Variants in TRIM9 observed in about 807,000 individuals in gnomAD.
The protein encoded by TRIM9 is tripartite motif containing 9, also known as E3 ubiquitin-protein ligase TRIM9.
A neutral mutation model predicts 78.3 loss-of-function variants in TRIM9; 26 were observed. The ratio of observed to expected loss-of-function variants is 0.33; its 90% confidence interval spans 0.24 to 0.46. TRIM9 has a LOEUF of 0.46. TRIM9 is among the 20% of genes least tolerant of loss of function. The pLI is 1.00. For synonymous variants in TRIM9, 398 were observed against 416.5 expected, an observed-to-expected ratio of 0.96 and a Z score of 0.54; for missense variants, 787 against 1,036.4, an observed-to-expected ratio of 0.76 and a Z score of 3.30.
chr14:51,013,457 A>G (rs528865585), intron 3 of TRIM9, among the ~76,000 whole-genome samples: 3 of 152,348 alleles, frequency 2.0e-5, no homozygotes, highest in African/African-American at 7.2e-5. Context: ...AAGTTAGGAA[A>G]TGTAAGAACT....
chr14:51,000,303 T>C (rs1025186087), intron 6 of TRIM9, among the ~76,000 whole-genome samples: 12 of 152,252 alleles, frequency 7.9e-5, no homozygotes, highest in African/African-American at 1.7e-4. Context: ...AATTATCTAA[T>C]GGACTCTTAG....
intron 7 of TRIM9, among the ~76,000 whole-genome samples, chr14:50,988,074 T>C (rs2139373631): frequency 6.6e-6 from 1 of 152,278 alleles, no homozygotes; most frequent in East Asian, 1.9e-4. Context: ...AGTGCTGAGA[T>C]TACAGGCGTG....
chr14:51,053,247 G>T (rs1038442363), intron 1 of TRIM9, among the ~76,000 whole-genome samples: 1 of 151,218 alleles, frequency 6.6e-6, no homozygotes, highest in South Asian at 2.1e-4. Context: ...CTTAAAAAAT[G>T]TCTTACACAG....
chr14:51,061,316 G>A (rs946854827), intron 1 of TRIM9, among the ~76,000 whole-genome samples: 1 of 151,832 alleles, frequency 6.6e-6, no homozygotes, highest in African/African-American at 2.4e-5. Context: ...AGGAGGCTGA[G>A]GCAGGAGAAT....
chr14:50,990,697 G>A (rs969681600), intron 7 of TRIM9, among the ~76,000 whole-genome samples: 1 of 152,190 alleles, frequency 6.6e-6, no homozygotes, highest in African/African-American at 2.4e-5. Flanking sequence ...CCTCCTGTCT[G>A]GCAGTGAACA....
intron 7 of TRIM9, chr14:50,996,948 C>G (rs2054285606): frequency 1.0e-6 from 1 of 985,220 alleles, no homozygotes; most frequent in South Asian, 4.7e-5. Context: ...TGTTTTTAAC[C>G]ATGTGAAGCA....
chr14:51,042,767 T>G (rs762039885), intron 1 of TRIM9, among the ~76,000 whole-genome samples: 1 of 152,160 alleles, frequency 6.6e-6, no homozygotes, highest in Non-Finnish European at 1.5e-5. Context: ...GTGTCCCTTC[T>G]TCATGAGCTT....
intron 1 of TRIM9, among the ~76,000 whole-genome samples, chr14:51,077,045 G>A (rs1472786882): frequency 2.0e-5 from 3 of 152,200 alleles, no homozygotes; most frequent in Admixed American, 6.5e-5. Context: ...AACAGAGACT[G>A]GTTAAGCCCT....
chr14:51,054,421 G>A (rs1433467525), intron 1 of TRIM9, among the ~76,000 whole-genome samples: 1 of 144,026 alleles, frequency 6.9e-6, no homozygotes, highest in African/African-American at 2.6e-5. Flanking sequence ...TACAGGCGTA[G>A]GCCACCATGC....
At chr14:51,051,863 A>C (rs534722363) in intron 1 of TRIM9, among the ~76,000 whole-genome samples, 2 of 152,018 alleles carry the variant, frequency 1.3e-5, no homozygotes, top group Admixed American at 1.3e-4. Flanking sequence ...GCTACTAAGG[A>C]GGCTGAGGTG....
At chr14:51,043,272 G>A (rs2059701116) in intron 1 of TRIM9, among the ~76,000 whole-genome samples, 2 of 152,200 alleles carry the variant, frequency 1.3e-5, no homozygotes, top group Non-Finnish European at 2.9e-5. Context: ...AGGAAAGAAA[G>A]CTCAGAGTGT....
Position 51,082,496 on chromosome 14 carries a change from G to A in TRIM9, c.822+11622C>T, listed in dbSNP as rs1032052022. On this transcript the variant is annotated intron_variant, in intron 1 of 12. Transcript: ENST00000684578. The stretch of plus-strand genomic sequence containing the variant: ...ATGAACTTTAAAAACATTATGCGAA[G>A]TAAAAGAAGACAGATGCAAAAGGCC... Among the ~76,000 whole-genome samples the A allele has an allele frequency of 8.5e-5, 13 of 152,300 alleles. No homozygotes were observed. The South Asian group carries it at 2.7e-3, about 32-fold the overall frequency.
At chr14:51,071,646 T>C (rs190310223) in intron 1 of TRIM9, among the ~76,000 whole-genome samples, 247 of 146,926 alleles carry the variant, frequency 1.7e-3, no homozygotes, top group African/African-American at 5.3e-3. Flanking sequence ...CTACTAAAAA[T>C]AAAAAAAAAA....
At position 51,094,651 on chromosome 14, in the gene TRIM9, T is replaced by C. The variant is rs749681471; in HGVS notation, c.289A>G (p.Asn97Asp). 6.2e-7 allele frequency: 1 copy of C among 1,602,296 alleles called. No individual in the cohort carries two copies. Among genetic ancestry groups the C allele is most frequent in the East Asian group, 2.2e-5 (1 of 44,698 alleles). The change falls in exon 1 of 13, where the codon AAC (asparagine) becomes GAC (aspartate). Residue 97 changes from asparagine to aspartate, a missense_variant. Around this residue, in one of 3 missense-constraint regions of TRIM9, gnomAD observed 352 missense variants for 472.3 expected, o/e 0.75. Transcript: ENST00000684578. The part of the protein sequence containing the change: ...APTTPCQKSP[N>D]GVRVFPPAMP... The stretch of plus-strand genomic sequence containing the variant: ...GCCGGGGGAAACACGCGGACGCCGT[T>C]GGGGGACTTCTGGCACGGGGTAGTG...
chr14:51,061,098 G>T (rs554296166), intron 1 of TRIM9, among the ~76,000 whole-genome samples: 4 of 152,080 alleles, frequency 2.6e-5, no homozygotes, highest in African/African-American at 9.7e-5. Flanking sequence ...GTGTCTGCTC[G>T]AGTATTTTGT....
At chr14:50,985,285 A>G (rs151020356) in intron 8 of TRIM9, among the ~76,000 whole-genome samples, 1 of 152,308 alleles carries the variant, frequency 6.6e-6, no homozygotes, top group East Asian at 1.9e-4. Flanking sequence ...ATCTTTGGTC[A>G]TTAGGCATTA....
Position 51,033,881 on chromosome 14 carries a change from G to A in TRIM9, c.823-8521C>T, listed in dbSNP as rs76232137. ...GTATTTATATGAATGTATTCCAAAG[G>A]TTTATATTATGCATATTCTCTTTAT... On this transcript the variant is annotated intron_variant, in intron 1 of 12. Coordinates refer to ENST00000684578, the MANE Select transcript of TRIM9 (RefSeq NM_001387360.1). 3.4e-3 allele frequency among the ~76,000 whole-genome samples: 517 copies of A among 152,134 alleles called. 2 individuals carry two copies. Among genetic ancestry groups the A allele is most frequent in the Non-Finnish European group, 4.2e-3 (286 of 67,998 alleles).
chr14:51,070,264 T>C (rs953938539), intron 1 of TRIM9, among the ~76,000 whole-genome samples: 1 of 152,170 alleles, frequency 6.6e-6, no homozygotes, highest in Non-Finnish European at 1.5e-5. Flanking sequence ...GGCTGTGAGT[T>C]CAATGGTAAT....
At chr14:51,023,467 A>G (rs1051553552) in intron 2 of TRIM9, among the ~76,000 whole-genome samples, 2 of 152,244 alleles carry the variant, frequency 1.3e-5, no homozygotes, top group African/African-American at 4.8e-5. Context: ...TGCCCCTTTC[A>G]TTAAGGAAAG....
Sources: allele counts gnomAD v4.1 joint callset (sites outside exome capture counted in the v4.1 genomes callset), GRCh38; gene constraint gnomAD v4.1.1; regional missense constraint gnomAD v4.1.1; transcripts MANE v1.5; gene names NCBI Gene and HGNC (gene_info 2026-07-23, HGNC 2026-07-21).